The following SLC16A7 variants were observed in gnomAD, a reference collection of about 807,000 sequenced individuals.
The protein encoded by SLC16A7 is monocarboxylate transporter 2.
In SLC16A7, 33 loss-of-function variants were observed where a neutral mutation model predicts 34.9. That is an observed-to-expected ratio of 0.94 (90% confidence interval 0.72 to 1.26). The LOEUF is 1.26. Ranked by LOEUF, SLC16A7 falls within the 50% of genes most tolerant of loss-of-function variation. The pLI, the probability that SLC16A7 is intolerant of heterozygous loss-of-function variation, is 0.00. For missense variants in SLC16A7, 573 were observed against 578.1 expected (o/e 0.99, Z 0.09); for synonymous variants, 201 against 206.6 (o/e 0.97, Z 0.23).
intron 3 of SLC16A7, among the ~76,000 whole-genome samples, chr12:59,751,949 G>A (rs1446262519): frequency 3.3e-5 from 5 of 152,154 alleles, no homozygotes; most frequent in Admixed American, 6.5e-5. Context: ...AGCGGTTCAC[G>A]AAAATCCGCT....
chr12:59,713,718 C>T (rs2137174236), intron 3 of SLC16A7, among the ~76,000 whole-genome samples: 1 of 152,258 alleles, frequency 6.6e-6, no homozygotes, highest in Admixed American at 6.5e-5. Context: ...CAGACACTAG[C>T]CTTGCACAAT....
chr12:59,720,248 A>T, intron 3 of SLC16A7: 1 of 523,376 alleles, frequency 1.9e-6, no homozygotes, highest in Non-Finnish European at 3.3e-6. Flanking sequence ...AAAATTTATT[A>T]GGTCTTTTTC....
At chr12:59,743,287 T>A (rs1046692194) in intron 3 of SLC16A7, among the ~76,000 whole-genome samples, 2 of 152,234 alleles carry the variant, frequency 1.3e-5, no homozygotes, top group Non-Finnish European at 2.9e-5. Context: ...TTTTTCTACA[T>A]TAATATTTTT....
chr12:59,705,100 T>G (rs1292258576), intron 3 of SLC16A7, 82 bp downstream of exon 3: 27 of 949,572 alleles, frequency 2.8e-5, no homozygotes, highest in Non-Finnish European at 4.2e-5. Flanking sequence ...AGTGTCTTGG[T>G]ATATTAAAAC....
At chr12:59,779,007 G>A (rs1883022587) in intron 5 of SLC16A7, among the ~76,000 whole-genome samples, 1 of 152,058 alleles carries the variant, frequency 6.6e-6, no homozygotes, top group Admixed American at 6.6e-5. Flanking sequence ...TTCTCCTAAA[G>A]AAAGTAATTT....
intron 1 of SLC16A7, among the ~76,000 whole-genome samples, chr12:59,617,109 C>G (rs1326199093): frequency 4.6e-5 from 7 of 151,888 alleles, no homozygotes; most frequent in Non-Finnish European, 8.8e-5. Flanking sequence ...AGCCTCATTT[C>G]TTTGCAAAAT....
intron 2 of SLC16A7, among the ~76,000 whole-genome samples, chr12:59,658,205 G>C (rs1249325946): frequency 3.3e-5 from 5 of 151,910 alleles, no homozygotes; most frequent in Non-Finnish European, 7.4e-5. Context: ...CCTCAAATAC[G>C]TGTGGTATCT....
intron 3 of SLC16A7, among the ~76,000 whole-genome samples, chr12:59,725,692 T>C (rs1876148428): frequency 1.3e-5 from 2 of 152,114 alleles, no homozygotes; most frequent in Admixed American, 6.6e-5. Context: ...TAATAAATGC[T>C]TTTACTTTTC....
intron 1 of SLC16A7, among the ~76,000 whole-genome samples, chr12:59,648,196 C>T (rs973668860): frequency 6.6e-6 from 1 of 152,148 alleles, no homozygotes; most frequent in South Asian, 2.1e-4. Context: ...GAAGAGCTTA[C>T]TGGACAGGCC....
At chr12:59,714,235 A>G (rs1874605399) in intron 3 of SLC16A7, among the ~76,000 whole-genome samples, 1 of 152,160 alleles carries the variant, frequency 6.6e-6, no homozygotes, top group South Asian at 2.1e-4. Context: ...GTTGTGTTTG[A>G]CAGTCTAAAA....
chr12:59,621,895 T>C (rs1374467674), intron 1 of SLC16A7, among the ~76,000 whole-genome samples: 2 of 151,796 alleles, frequency 1.3e-5, no homozygotes, highest in Non-Finnish European at 2.9e-5. Context: ...ATTTTAGTTA[T>C]ATTTACAGTA....
intron 3 of SLC16A7, among the ~76,000 whole-genome samples, chr12:59,770,999 TTTA>T (rs142427938): frequency 0.092 from 14,076 of 152,188 alleles, 852 homozygotes; most frequent in East Asian, 0.18. Flanking sequence ...ACACTTCTAA[TTTA>T]TTATTTCATG....
intron 3 of SLC16A7, among the ~76,000 whole-genome samples, chr12:59,765,745 A>G (rs1407906882): frequency 6.6e-6 from 1 of 152,094 alleles, no homozygotes; most frequent in Non-Finnish European, 1.5e-5. Context: ...GCCTTGTAGT[A>G]TAGTTTGAAG....
intron 2 of SLC16A7, among the ~76,000 whole-genome samples, chr12:59,694,191 G>A (rs1872002466): frequency 6.6e-6 from 1 of 151,850 alleles, no homozygotes; most frequent in African/African-American, 2.4e-5. Flanking sequence ...TTTGTAGGGG[G>A]AATAAGCTTT....
At position 59,708,068 on chromosome 12, in the gene SLC16A7, G is replaced by A. The variant is rs192839028; in HGVS notation, c.217+3050G>A. ...CTAATCTTTTAACCAAAAATAATTG[G>A]CACATTTAAAATTATAATCTAATGT... On this transcript the variant is annotated intron_variant, in intron 3 of 5. Transcript: ENST00000547379. Among the ~76,000 whole-genome samples, 28 of 152,158 alleles carry A rather than the reference G, an allele frequency of 1.8e-4. 1 individual carries two copies. In the East Asian group the frequency reaches 5.2e-3, roughly 28 times the overall value.
At chr12:59,655,023 G>A (rs1331368485) in intron 1 of SLC16A7, 129 bp from the exon 2 acceptor site, 1 of 151,912 alleles carries the variant, frequency 6.6e-6, no homozygotes, top group African/African-American at 2.4e-5. Context: ...ACAGTAAATA[G>A]CATTTTCAGC....
intron 3 of SLC16A7, among the ~76,000 whole-genome samples, chr12:59,727,095 A>G (rs771464850): frequency 2.0e-5 from 3 of 150,808 alleles, no homozygotes; most frequent in Non-Finnish European, 4.4e-5. Flanking sequence ...AACTTTAGCC[A>G]ACTGATATTG....
intron 1 of SLC16A7, among the ~76,000 whole-genome samples, chr12:59,611,914 C>T (rs1293772043): frequency 6.6e-6 from 1 of 152,224 alleles, no homozygotes; most frequent in Non-Finnish European, 1.5e-5. Flanking sequence ...AGCTCCTCAC[C>T]TGTGGCTTTG....
intron 1 of SLC16A7, among the ~76,000 whole-genome samples, chr12:59,617,659 T>C (rs1879514917): frequency 6.6e-6 from 1 of 151,974 alleles, no homozygotes; most frequent in South Asian, 2.1e-4. Context: ...CAGAATTATA[T>C]GGTTTATTAA....
Sources: gnomAD v4.1 joint callset for allele counts (sites outside exome capture counted in the v4.1 genomes callset) on GRCh38, gnomAD v4.1.1 for gene constraint, MANE v1.5 for transcripts, NCBI Gene and HGNC (gene_info 2026-07-23, HGNC 2026-07-21) for gene names.